Variants in RNF220 observed in about 807,000 individuals in gnomAD.
RNF220 encodes ring finger protein 220.
RNF220 carries 7 observed loss-of-function variants against 67.1 expected under a neutral mutation model. That is an observed-to-expected ratio of 0.10 (90% confidence interval 0.06 to 0.20). The LOEUF (loss-of-function observed/expected upper bound fraction) is 0.20, where lower values mean the gene tolerates loss of function less well. RNF220 is among the 10% of genes least tolerant of loss of function. The pLI is 1.00. For missense variants in RNF220, 565 were observed against 740.3 expected (o/e 0.76, Z 2.75); for synonymous variants, 270 against 283.2 (o/e 0.95, Z 0.47).
At chr1:44,520,337 G>T (rs926415320) in intron 2 of RNF220, among the ~76,000 whole-genome samples, 1 of 152,030 alleles carries the variant, frequency 6.6e-6, no homozygotes, top group Admixed American at 6.6e-5. Context: ...ATGGTGGCGG[G>T]CGCCTGTAGT....
chr1:44,631,845 C>T, intron 5 of RNF220: 1 of 948,288 alleles, frequency 1.1e-6, no homozygotes. Context: ...GGGAGGGACC[C>T]CGGGGAGGCT....
intron 2 of RNF220, among the ~76,000 whole-genome samples, chr1:44,611,493 C>T (rs1643305978): frequency 6.6e-6 from 1 of 152,188 alleles, no homozygotes; most frequent in Non-Finnish European, 1.5e-5. Context: ...CTGGGATCCA[C>T]CTCTTTCTCC....
intron 2 of RNF220, among the ~76,000 whole-genome samples, chr1:44,593,441 A>G (rs183604678): frequency 1.3e-5 from 2 of 152,352 alleles, no homozygotes; most frequent in Admixed American, 6.5e-5. Context: ...AATAATAATA[A>G]CAGGCCAGGG....
chr1:44,460,576 AG>A (rs1653666227), intron 2 of RNF220, among the ~76,000 whole-genome samples: 1 of 152,202 alleles, frequency 6.6e-6, no homozygotes, highest in Non-Finnish European at 1.5e-5. Flanking sequence ...TCGATCATTG[AG>A]GGTTCATTGA....
At chr1:44,594,757 A>T (rs1469822771) in intron 2 of RNF220, among the ~76,000 whole-genome samples, 1 of 152,178 alleles carries the variant, frequency 6.6e-6, no homozygotes, top group Admixed American at 6.5e-5. Context: ...AATTTGGGGA[A>T]TTTGGATTGG....
At chr1:44,467,013 C>A (rs190989694) in intron 2 of RNF220, among the ~76,000 whole-genome samples, 1 of 152,338 alleles carries the variant, frequency 6.6e-6, no homozygotes, top group East Asian at 1.9e-4. Context: ...ATGGCATCTT[C>A]CAATATAAGG....
intron 2 of RNF220, among the ~76,000 whole-genome samples, chr1:44,503,998 T>C (rs1658181107): frequency 1.3e-5 from 2 of 152,150 alleles, no homozygotes; most frequent in Admixed American, 6.5e-5. Flanking sequence ...TACAGGTGCG[T>C]GCCACCATGC....
intron 2 of RNF220, among the ~76,000 whole-genome samples, chr1:44,418,131 C>T (rs1179891660): frequency 6.6e-6 from 1 of 152,066 alleles, no homozygotes; most frequent in Non-Finnish European, 1.5e-5. Context: ...AAGGGGGGGG[C>T]GCCCACGCGA....
rs756655385 is a variant in RNF220, at chr1:44,412,379, C to A, written c.282C>A (p.His94Gln). The A allele has an allele frequency of 6.2e-7, 1 of 1,613,986 alleles. No homozygotes were observed. Among genetic ancestry groups the A allele is most frequent in the South Asian group, 1.1e-5 (1 of 91,062 alleles). ...GTGATTTCCCCCCTTCTCTACTACA[C>A]CTCCACCCTCAATTTGCTCCCCCAA... is the stretch of plus-strand genomic sequence containing the variant. Reference protein sequence around the residue: ...ANRDFPPSLLHLHPQFAPPNL... With the variant: ...ANRDFPPSLLQLHPQFAPPNL... Residue 94 changes from histidine to glutamine, a missense_variant, in exon 2 of 15, where the codon CAC (histidine) becomes CAA (glutamine). His to Gln is a conservative substitution (Grantham distance 24). Coordinates refer to ENST00000361799, the MANE Select transcript of RNF220 (RefSeq NM_018150.4). The surrounding 1 kb of genome is among the most constrained non-coding windows in gnomAD (Gnocchi z 5.3).
At chr1:44,471,381 G>A (rs1177743454) in intron 2 of RNF220, among the ~76,000 whole-genome samples, 1 of 152,076 alleles carries the variant, frequency 6.6e-6, no homozygotes, top group African/African-American at 2.4e-5. Context: ...AGCCAAGATC[G>A]TGCCACTGCA....
At chr1:44,514,900 G>C (rs147637082) in intron 2 of RNF220, among the ~76,000 whole-genome samples, 1 of 152,118 alleles carries the variant, frequency 6.6e-6, no homozygotes, top group Middle Eastern at 3.2e-3. Flanking sequence ...AGATTGGCAC[G>C]TCCAGCAGGG....
chr1:44,428,376 G>T (rs988205166), intron 2 of RNF220, among the ~76,000 whole-genome samples: 1 of 152,196 alleles, frequency 6.6e-6, no homozygotes, highest in Non-Finnish European at 1.5e-5. Flanking sequence ...TGGGAAATTT[G>T]AACTGGGAAG....
At chr1:44,512,070 G>A (rs890196099) in intron 2 of RNF220, among the ~76,000 whole-genome samples, 1 of 152,332 alleles carries the variant, frequency 6.6e-6, no homozygotes, top group African/African-American at 2.4e-5. Flanking sequence ...ACAGGTTCAG[G>A]TTTTCGCTGT....
chr1:44,412,457 C>G lies in RNF220; in HGVS notation c.360C>G (p.Phe120Leu). ...SMLNHSGVGA[F>L]RPFASTEDRE... ...TGAATCATAGTGGTGTGGGGGCTTT[C>G]CGGCCCTTTGCCTCCACCGAGGACC... The change falls in exon 2 of 15, where the codon TTC (phenylalanine) becomes TTG (leucine). Residue 120 changes from phenylalanine (F) to leucine (L), a missense_variant. Transcript: ENST00000361799. The surrounding 1 kb of genome is among the most constrained non-coding windows in gnomAD (Gnocchi z 5.3). 6.2e-7 allele frequency: 1 copy of G among 1,611,578 alleles called. No homozygotes were observed. Among genetic ancestry groups the G allele is most frequent in the Non-Finnish European group, 8.5e-7 (1 of 1,177,944 alleles).
In RNF220 at chr1:44,636,025, C is replaced by A; in HGVS notation, c.994-5C>A. On this transcript the variant is annotated splice_polypyrimidine_tract_variant and splice_region_variant and intron_variant, in intron 7 of 14. Transcript: ENST00000361799. ...CCCAGCATGATCCTGCTCTGCTCTT[C>A]ACAGAGGGAAGGCTCCTGCATGGCT... 1 of 1,614,190 alleles carries A rather than the reference C, an allele frequency of 6.2e-7. No homozygotes were observed. Among genetic ancestry groups the A allele is most frequent in the Non-Finnish European group, 8.5e-7 (1 of 1,180,010 alleles).
At chr1:44,646,071 G>A (rs1000782770) in intron 12 of RNF220, among the ~76,000 whole-genome samples, 2 of 152,200 alleles carry the variant, frequency 1.3e-5, no homozygotes, top group Non-Finnish European at 2.9e-5. Context: ...GCCCAAGGAA[G>A]GCCAGTTCTG....
At chr1:44,593,556 T>C (rs12119059) in intron 2 of RNF220, among the ~76,000 whole-genome samples, 56,424 of 150,794 alleles carry the variant, frequency 0.37, 11,183 homozygotes, top group African/African-American at 0.51. Flanking sequence ...GAGAGCCTGT[T>C]TCTACAAAAA....
intron 2 of RNF220, among the ~76,000 whole-genome samples, chr1:44,468,996 A>G (rs1654539424): frequency 6.6e-6 from 1 of 152,238 alleles, no homozygotes; most frequent in African/African-American, 2.4e-5. Context: ...ATATTACAAC[A>G]TAATATGACA....
At chr1:44,430,626 A>G (rs1379804480) in intron 2 of RNF220, among the ~76,000 whole-genome samples, 2 of 151,944 alleles carry the variant, frequency 1.3e-5, no homozygotes, top group Non-Finnish European at 2.9e-5. Context: ...GCTCACTGCA[A>G]CCTCCGCCTC....
Sources: gnomAD v4.1 joint callset for allele counts (sites outside exome capture counted in the v4.1 genomes callset) on GRCh38, gnomAD v4.1.1 for gene constraint, Gnocchi (gnomAD v3.1) non-coding constraint, MANE v1.5 for transcripts, NCBI Gene and HGNC (gene_info 2026-07-23, HGNC 2026-07-21) for gene names.